The following DPYD variants were observed in gnomAD, a reference collection of about 807,000 sequenced individuals.
The protein encoded by DPYD is dihydropyrimidine dehydrogenase, also known as dihydropyrimidine dehydrogenase [NADP(+)].
DPYD carries 109 observed loss-of-function variants against 116.2 expected under a neutral mutation model. That is an observed-to-expected ratio of 0.94 (90% CI 0.80 to 1.10). The LOEUF is 1.10. Ranked by LOEUF, DPYD falls within the 50% of genes least tolerant of loss-of-function variation. The probability of loss-of-function intolerance (pLI) is 0.00; values close to 1 mark genes in which losing one functional copy is unlikely to be tolerated. For missense variants in DPYD, 1,302 were observed against 1,254.5 expected (o/e 1.04, Z -0.57); for synonymous variants, 440 against 432.0 (o/e 1.02, Z -0.23).
At chr1:97,557,532 T>A in intron 11 of DPYD, among the ~76,000 whole-genome samples, 1 of 152,142 alleles carries the variant, frequency 6.6e-6, no homozygotes, top group Non-Finnish European at 1.5e-5. Flanking sequence ...GCCAGGCTGG[T>A]CTCAAACTCC....
chr1:97,403,437 C>T (rs1277886555), intron 14 of DPYD, among the ~76,000 whole-genome samples: 1 of 151,892 alleles, frequency 6.6e-6, no homozygotes, highest in Non-Finnish European at 1.5e-5. Flanking sequence ...AATAGTGAAC[C>T]CATCTGGGTC....
At chr1:97,382,101 T>C (rs1002681951) in intron 15 of DPYD, among the ~76,000 whole-genome samples, 2 of 152,208 alleles carry the variant, frequency 1.3e-5, no homozygotes, top group African/African-American at 2.4e-5. Context: ...CATCATAATA[T>C]ACAGTTTGCT....
chr1:97,718,402 G>A (rs1571241587), intron 5 of DPYD, among the ~76,000 whole-genome samples: 1 of 151,826 alleles, frequency 6.6e-6, no homozygotes. Context: ...TAAGTAAAGT[G>A]CTAAGAGGTA....
In DPYD at chr1:97,483,079, C is replaced by T. The variant is rs1678413412; in HGVS notation, c.1740+32647G>A. On this transcript the variant is annotated intron_variant, in intron 13 of 22. Transcript: ENST00000370192. ...GTCTTCCCACATACCATGGTAACTTCATAAAATGGCTCATAATCTGACTTT... is the reference window on the plus strand; with the variant it reads ...GTCTTCCCACATACCATGGTAACTTTATAAAATGGCTCATAATCTGACTTT... Among the ~76,000 whole-genome samples the T allele has an allele frequency of 1.3e-5, 2 of 152,146 alleles. 1 individual carries two copies. Among genetic ancestry groups the T allele is most frequent in the South Asian group, 4.1e-4 (2 of 4,834 alleles).
chr1:97,317,766 G>T lies in DPYD; in HGVS notation c.2059-11469C>A, dbSNP rs1170056868. Among the ~76,000 whole-genome samples, 3 of 151,946 alleles carry T rather than the reference G, an allele frequency of 2.0e-5. No individual in the cohort carries two copies. The East Asian group carries it at 5.8e-4, about 30-fold the overall frequency. On this transcript the variant is annotated intron_variant, in intron 16 of 22. Coordinates refer to ENST00000370192, the MANE Select transcript of DPYD (RefSeq NM_000110.4). ...CATGCTGATACATTTAGGATGAAGA[G>T]AGTCTAGGGAAGTCACGCTTCTGTC... is the stretch of plus-strand genomic sequence containing the variant.
chr1:97,776,556 G>C (rs887089088), intron 3 of DPYD, among the ~76,000 whole-genome samples: 8 of 152,132 alleles, frequency 5.3e-5, no homozygotes, highest in Non-Finnish European at 1.0e-4. Context: ...ATTTTCCCAA[G>C]ACGTTCTCTC....
intron 11 of DPYD, among the ~76,000 whole-genome samples, chr1:97,552,128 C>T (rs920529182): frequency 1.3e-5 from 2 of 152,026 alleles, no homozygotes; most frequent in Non-Finnish European, 2.9e-5. Context: ...AGTAGGGTCC[C>T]TCACTTGCAT....
chr1:97,463,758 T>C (rs970330425), intron 13 of DPYD, among the ~76,000 whole-genome samples: 2 of 152,164 alleles, frequency 1.3e-5, no homozygotes, highest in African/African-American at 4.8e-5. Flanking sequence ...TGACTTTTGT[T>C]GTTTTAGCAA....
chr1:97,744,860 G>T (rs1664461197), intron 3 of DPYD, among the ~76,000 whole-genome samples: 1 of 151,914 alleles, frequency 6.6e-6, no homozygotes, highest in Non-Finnish European at 1.5e-5. Context: ...TGTGAATAAA[G>T]AAATCAAAGT....
At chr1:97,620,869 T>C (rs936890921) in intron 8 of DPYD, among the ~76,000 whole-genome samples, 2 of 152,150 alleles carry the variant, frequency 1.3e-5, no homozygotes, top group African/African-American at 4.8e-5. Context: ...GTACATGGAT[T>C]ACAGCTTTAT....
intron 13 of DPYD, among the ~76,000 whole-genome samples, chr1:97,487,444 C>T (rs9629025): frequency 0.013 from 2,010 of 152,040 alleles, 24 homozygotes; most frequent in Middle Eastern, 0.024. Context: ...GAGGCCAAGG[C>T]GGGCGGATCA....
intron 14 of DPYD, among the ~76,000 whole-genome samples, chr1:97,395,193 T>G (rs1672945659): frequency 6.6e-6 from 1 of 150,480 alleles, no homozygotes; most frequent in African/African-American, 2.4e-5. Flanking sequence ...ATTATATATT[T>G]TAATATATAT....
At chr1:97,380,205 T>C (rs1671868313) in intron 15 of DPYD, among the ~76,000 whole-genome samples, 1 of 152,190 alleles carries the variant, frequency 6.6e-6, no homozygotes, top group Non-Finnish European at 1.5e-5. Context: ...ATATATCTGA[T>C]TGCTCCCTAT....
At chr1:97,529,752 CTT>C (rs1274639693) in intron 12 of DPYD, among the ~76,000 whole-genome samples, 2 of 122,542 alleles carry the variant, frequency 1.6e-5, no homozygotes, top group East Asian at 4.7e-4. Flanking sequence ...CTTTCCCTTC[CTT>C]TCTTTCTTTC....
At chr1:97,288,173 C>A (rs1299039582) in intron 18 of DPYD, among the ~76,000 whole-genome samples, 1 of 151,046 alleles carries the variant, frequency 6.6e-6, no homozygotes. Context: ...CAGGAGCACC[C>A]AGATTCATAA....
chr1:97,686,725 A>G (rs1350186682), intron 7 of DPYD, among the ~76,000 whole-genome samples: 2 of 151,404 alleles, frequency 1.3e-5, no homozygotes, highest in Non-Finnish European at 2.9e-5. Flanking sequence ...AATACCATTC[A>G]GGACATAGGC....
At chr1:97,090,933 G>A (rs369477421) in intron 21 of DPYD, among the ~76,000 whole-genome samples, 14 of 152,122 alleles carry the variant, frequency 9.2e-5, no homozygotes, top group African/African-American at 3.4e-4. Flanking sequence ...CATACTTGCT[G>A]ATTGACTGAT....
chr1:97,228,358 G>A (rs974545834), intron 19 of DPYD, among the ~76,000 whole-genome samples: 18 of 152,012 alleles, frequency 1.2e-4, no homozygotes, highest in Non-Finnish European at 2.6e-4. Context: ...TCTTCTTAAT[G>A]TCAGTCATAT....
chr1:97,819,469 A>T (rs1668807591), intron 3 of DPYD, among the ~76,000 whole-genome samples: 1 of 151,994 alleles, frequency 6.6e-6, no homozygotes, highest in African/African-American at 2.4e-5. Flanking sequence ...ATTAAAAAAA[A>T]GTTACAAACG....
Sources: gnomAD v4.1 joint callset for allele counts (sites outside exome capture counted in the v4.1 genomes callset) on GRCh38, gnomAD v4.1.1 for gene constraint, MANE v1.5 for transcripts, NCBI Gene and HGNC (gene_info 2026-07-23, HGNC 2026-07-21) for gene names.